The following CSH2 variants were observed in gnomAD, a reference collection of about 807,000 sequenced individuals.
The protein encoded by CSH2 is choriomammotropin.
CSH2 carries 10 observed loss-of-function variants against 22.7 expected under a neutral mutation model. That is an observed-to-expected ratio of 0.44 (90% confidence interval 0.27 to 0.75). The LOEUF (loss-of-function observed/expected upper bound fraction) is 0.75. Ranked by LOEUF, CSH2 falls within the 30% of genes least tolerant of loss-of-function variation. The pLI, the probability that CSH2 is intolerant of heterozygous loss-of-function variation, is 0.16. For synonymous variants in CSH2, 64 were observed against 115.0 expected (o/e 0.56, Z 2.84); for missense variants, 161 against 271.0 (o/e 0.59, Z 2.85).
At chr17:63,873,394 C>G (rs1009334439) in intron 1 of CSH2, 55 bp from the exon 2 acceptor site, 37 of 1,609,504 alleles carry the variant, frequency 2.3e-5, no homozygotes, top group Non-Finnish European at 2.9e-5. Flanking sequence ...GGCCAGCGCT[C>G]TCCCTGCTCC....
chr17:63,872,365 C>T, intron 4 of CSH2, 42 bp from the exon 5 acceptor site: 5 of 1,613,874 alleles, frequency 3.1e-6, no homozygotes, highest in South Asian at 2.2e-5. Flanking sequence ...AGCGCTTGGG[C>T]ACTGTTCCCT....
chr17:63,872,177 T>G lies in CSH2; in HGVS notation c.603A>C (p.Thr201=). The change falls in exon 5 of 5, where the codon ACA becomes ACC. Residue 201 remains threonine (T), a synonymous_variant. Coordinates refer to ENST00000392886, the MANE Select transcript of CSH2 (RefSeq NM_020991.4). ...AGCGGCACTGCACCATGCGCAGGAATGTCTCGACCTTGTCCATGTCCTTCC... is the reference window on the plus strand; with the variant it reads ...AGCGGCACTGCACCATGCGCAGGAAGGTCTCGACCTTGTCCATGTCCTTCC... ...CFRKDMDKVE[T]FLRMVQCRSV... 1 of 1,614,046 alleles carries G rather than the reference T, an allele frequency of 6.2e-7. No individual in the cohort carries two copies. Among genetic ancestry groups the G allele is most frequent in the Non-Finnish European group, 8.5e-7 (1 of 1,179,948 alleles).
chr17:63,872,280 T>G lies in CSH2; in HGVS notation c.500A>C (p.Gln167Pro). The stretch of plus-strand genomic sequence containing the variant: ...GTTTGTGTCAAACTTGCTGTAGGTC[T>G]GCTTGAGGATCTGCCCAGTCCGGCG... ...GSRRTGQILK[Q>P]TYSKFDTNSH... The change falls in exon 5 of 5, where the codon CAG (glutamine) becomes CCG (proline). Residue 167 changes from glutamine to proline, a missense_variant. Transcript: ENST00000392886. The G allele has an allele frequency of 1.2e-6, 2 of 1,613,950 alleles. No homozygotes were observed. Among genetic ancestry groups the G allele is most frequent in the Non-Finnish European group, 1.7e-6 (2 of 1,179,834 alleles).
chr17:63,872,722 A>T lies in CSH2; in HGVS notation c.311T>A (p.Ile104Asn). Reference sequence around the variant, plus strand: ...CCACGACTCGATGAGCAGCAGGGAGATGCGGAGCAGCTCTAGATTCTGCAG... The same window carrying T: ...CCACGACTCGATGAGCAGCAGGGAGTTGCGGAGCAGCTCTAGATTCTGCAG... The part of the protein sequence containing the change: ...QQKSNLELLR[I>N]SLLLIESWLE... Residue 104 changes from isoleucine (I) to asparagine (N), a missense_variant, in exon 4 of 5, where the codon ATC (isoleucine) becomes AAC (asparagine). Physicochemically the swap from Ile to Asn is moderately radical, Grantham distance 149. Transcript: ENST00000392886. 6.3e-7 allele frequency: 1 copy of T among 1,579,950 alleles called. No individual in the cohort carries two copies. Among genetic ancestry groups the T allele is most frequent in the Non-Finnish European group, 8.6e-7 (1 of 1,166,078 alleles).
Position 63,872,116 on chromosome 17 carries a change from A to G in CSH2, c.*10T>C, listed in dbSNP as rs1447337511. On this transcript the variant is annotated 3_prime_UTR_variant, in exon 5 of 5. Coordinates refer to ENST00000392886, the MANE Select transcript of CSH2 (RefSeq NM_020991.4). ...GGGGAGGGGTCGGTCACAGGATGCC[A>G]CGCGGGCACCTAGAAGCCACAGCTA... 6 of 1,613,936 alleles carry G rather than the reference A, an allele frequency of 3.7e-6. No individual in the cohort carries two copies. The highest frequency in any genetic ancestry group is 3.3e-5 in the Admixed American group (2 of 59,994).
At chr17:63,872,540 G>C in intron 4 of CSH2, 37 bp downstream of exon 4, 1 of 1,614,022 alleles carries the variant, frequency 6.2e-7, no homozygotes, top group Non-Finnish European at 8.5e-7. Flanking sequence ...TAAGCCAGTG[G>C]GGTTCCAGGA....
upstream of CSH2, chr17:63,873,703 T>C (rs1015671661): frequency 2.0e-6 from 3 of 1,470,282 alleles, no homozygotes; most frequent in Non-Finnish European, 2.8e-6. Flanking sequence ...GGGCCCTTTT[T>C]ATACCCTGGC....
chr17:63,873,472 A>G, intron 1 of CSH2, 133 bp from the exon 2 acceptor site: 2 of 1,591,246 alleles, frequency 1.3e-6, no homozygotes, highest in African/African-American at 1.3e-5. Context: ...GATTGGCCAA[A>G]TATCTGGCCT....
Position 63,872,308 on chromosome 17 carries a change from T to C in CSH2, c.472A>G (p.Ser158Gly), listed in dbSNP as rs1170623365. 1 of 1,613,922 alleles carries C rather than the reference T, an allele frequency of 6.2e-7. No individual in the cohort carries two copies. The highest frequency in any genetic ancestry group is 1.7e-5 in the Admixed American group (1 of 60,024). The change falls in exon 5 of 5, where the codon AGC becomes GGC. Residue 158 changes from serine (S) to glycine (G), a missense_variant. Physicochemically the swap from Ser to Gly is moderately conservative, Grantham distance 56. Around this residue, in one of 2 missense-constraint regions of CSH2, gnomAD observed 145 missense variants for 157.8 expected, o/e 0.92. Transcript: ENST00000392886. Reference sequence around the variant, plus strand: ...TTGAGGATCTGCCCAGTCCGGCGGCTGCCGTCTTCCAGCCTCTGCAAAGTG... The same window carrying C: ...TTGAGGATCTGCCCAGTCCGGCGGCCGCCGTCTTCCAGCCTCTGCAAAGTG... ...QTLMGRLEDG[S>G]RRTGQILKQT...
chr17:63,872,246 GT>G lies in CSH2; in HGVS notation c.533del (p.Asn178ThrfsTer34), dbSNP rs531515679. On this transcript the variant is annotated frameshift_variant, in exon 5 of 5. Coordinates refer to ENST00000392886, the MANE Select transcript of CSH2 (RefSeq NM_020991.4). LOFTEE classifies it high-confidence loss of function. ...CGTAGTTCTTGAGCAGTGCGTCATGGTTGTGTGAGTTTGTGTCAAACTTGCT... is the reference window on the plus strand; with the variant it reads ...CGTAGTTCTTGAGCAGTGCGTCATGGTGTGTGAGTTTGTGTCAAACTTGCT... ...TYSKFDTNSH[N>X]HDALLKNYGL... 2.9e-4 allele frequency: 465 copies of G among 1,613,902 alleles called. 2 individuals carry two copies. Among genetic ancestry groups the G allele is most frequent in the Non-Finnish European group, 3.8e-4 (446 of 1,179,918 alleles).
In CSH2 at chr17:63,872,053, G is replaced by A. The variant is rs1344087641; in HGVS notation, c.*73C>T. ...AATTTTATTAGGACAAGGCTGATGGGCACTGGAGTGGCACCTTCCAGGGCC... is the reference window on the plus strand; with the variant it reads ...AATTTTATTAGGACAAGGCTGATGGACACTGGAGTGGCACCTTCCAGGGCC... On this transcript the variant is annotated 3_prime_UTR_variant, in exon 5 of 5. Coordinates refer to ENST00000392886, the MANE Select transcript of CSH2 (RefSeq NM_020991.4). The A allele has an allele frequency of 6.8e-6, 11 of 1,610,474 alleles. 1 individual carries two copies. The highest frequency in any genetic ancestry group is 2.2e-5 in the East Asian group (1 of 44,842).
chr17:63,872,711 G>A lies in CSH2; in HGVS notation c.322C>T (p.Leu108Phe), dbSNP rs763302971. ...ACGGGCTCCAGCCACGACTCGATGA[G>A]CAGCAGGGAGATGCGGAGCAGCTCT... ...NLELLRISLLLIESWLEPVRF... is the reference protein window; with the variant it reads ...NLELLRISLLFIESWLEPVRF... Residue 108 changes from leucine (L) to phenylalanine (F), a missense_variant, in exon 4 of 5, where the codon CTC becomes TTC. Around this residue, in one of 2 missense-constraint regions of CSH2, gnomAD observed 145 missense variants for 157.8 expected, o/e 0.92. Transcript: ENST00000392886. 6.3e-7 allele frequency: 1 copy of A among 1,590,536 alleles called. No individual in the cohort carries two copies. Among genetic ancestry groups the A allele is most frequent in the African/African-American group, 1.4e-5 (1 of 69,528 alleles).
At position 63,872,692 on chromosome 17, in the gene CSH2, T is replaced by A. The variant is rs200922689; in HGVS notation, c.341A>T (p.Glu114Val). The change falls in exon 4 of 5, where the codon GAG becomes GTG. Residue 114 changes from glutamate (E) to valine (V), a missense_variant. Physicochemically the swap from Glu to Val is moderately radical, Grantham distance 121. Transcript: ENST00000392886. ...CATACTCCTGAGGAACCGCACGGGC[T>A]CCAGCCACGACTCGATGAGCAGCAG... The part of the protein sequence containing the change: ...ISLLLIESWL[E>V]PVRFLRSMFA... 6.3e-7 allele frequency: 1 copy of A among 1,590,920 alleles called. No homozygotes were observed. Among genetic ancestry groups the A allele is most frequent in the African/African-American group, 1.4e-5 (1 of 69,948 alleles).
intron 4 of CSH2, 81 bp downstream of exon 4, chr17:63,872,496 A>G (rs753092770): frequency 2.5e-6 from 4 of 1,613,858 alleles, no homozygotes; most frequent in Non-Finnish European, 3.4e-6. Flanking sequence ...GACTGCTACA[A>G]AGAGGGCAGC....
Position 63,872,285 on chromosome 17 carries a change from G to T in CSH2, c.495C>A (p.Leu165=). ...EDGSRRTGQI[L]KQTYSKFDTN... The stretch of plus-strand genomic sequence containing the variant: ...TGTCAAACTTGCTGTAGGTCTGCTT[G>T]AGGATCTGCCCAGTCCGGCGGCTGC... Residue 165 remains leucine, a synonymous_variant, in exon 5 of 5, where the codon CTC becomes CTA. Transcript: ENST00000392886. 4 of 1,613,944 alleles carry T rather than the reference G, an allele frequency of 2.5e-6. No homozygotes were observed. The highest frequency in any genetic ancestry group is 3.4e-6 in the Non-Finnish European group (4 of 1,179,838).
Position 63,872,096 on chromosome 17 carries a change from G to C in CSH2, c.*30C>G. 3 of 1,613,950 alleles carry C rather than the reference G, an allele frequency of 1.9e-6. No individual in the cohort carries two copies. Among genetic ancestry groups the C allele is most frequent in the Non-Finnish European group, 2.5e-6 (3 of 1,179,858 alleles). ...CCAGGGCCAGGAGAGGCACTGGGGA[G>C]GGGTCGGTCACAGGATGCCACGCGG... On this transcript the variant is annotated 3_prime_UTR_variant, in exon 5 of 5. Transcript: ENST00000392886.
intron 4 of CSH2, 97 bp downstream of exon 4, chr17:63,872,480 G>A: frequency 6.2e-7 from 1 of 1,613,882 alleles, no homozygotes. Flanking sequence ...TCTTGGGTCA[G>A]CGCCTGACTG....
chr17:63,873,560 C>A, intron 1 of CSH2, 45 bp downstream of exon 1: 2 of 1,608,680 alleles, frequency 1.2e-6, no homozygotes, highest in Non-Finnish European at 1.7e-6. Flanking sequence ...CGCTGCCTCT[C>A]CCCTCAGGAC....
In CSH2 at chr17:63,872,563, G is replaced by C. The variant is rs757690529; in HGVS notation, c.456+14C>G. ...TGGGGTTCCAGGATTGGCGACCCCT[G>C]GCGCCACCCTCACCCCCATCAGCGT... On this transcript the variant is annotated intron_variant, in intron 4 of 4. Coordinates refer to ENST00000392886, the MANE Select transcript of CSH2 (RefSeq NM_020991.4). The C allele has an allele frequency of 1.2e-6, 2 of 1,613,920 alleles. No homozygotes were observed. Among genetic ancestry groups the C allele is most frequent in the South Asian group, 2.2e-5 (2 of 91,086 alleles).
Sources: allele counts gnomAD v4.1 joint callset, GRCh38; gene constraint gnomAD v4.1.1; regional missense constraint gnomAD v4.1.1; transcripts MANE v1.5; gene names NCBI Gene and HGNC (gene_info 2026-07-23, HGNC 2026-07-21).